The following ZSCAN5A variants were observed in gnomAD, a reference collection of about 807,000 sequenced individuals.
ZSCAN5A encodes zinc finger and SCAN domain containing 5A, also known as zinc finger and SCAN domain-containing protein 5A.
Under a neutral mutation model 23.7 loss-of-function variants are expected in ZSCAN5A, and 12 were observed. That is an observed-to-expected ratio of 0.51 (90% confidence interval 0.32 to 0.82). The LOEUF is 0.82. Among genes scored for constraint, ZSCAN5A ranks in the 40% least tolerant of loss-of-function variants. The pLI, the probability that ZSCAN5A is intolerant of heterozygous loss-of-function variation, is 0.03. For synonymous variants in ZSCAN5A, 257 were observed against 239.9 expected (o/e 1.07, Z -0.66); for missense variants, 597 against 617.9 (o/e 0.97, Z 0.36).
At chr19:56,271,997 T>A (rs2037883126) in intron 2 of ZSCAN5A, among the ~76,000 whole-genome samples, 1 of 152,184 alleles carries the variant, frequency 6.6e-6, no homozygotes, top group Non-Finnish European at 1.5e-5. Context: ...CAGTACAAAT[T>A]TACTATCATA....
intron 2 of ZSCAN5A, among the ~76,000 whole-genome samples, chr19:56,227,478 G>A (rs2034061049): frequency 6.6e-6 from 1 of 152,108 alleles, no homozygotes; most frequent in Non-Finnish European, 1.5e-5. Flanking sequence ...TAACAGCCTG[G>A]GCAACATAGT....
chr19:56,313,180 T>C (rs1014854166), intron 2 of ZSCAN5A, 103 bp downstream of exon 2: 5 of 243,846 alleles, frequency 2.1e-5, no homozygotes, highest in African/African-American at 7.0e-5. Context: ...ACCCAGTAAG[T>C]TGATGACAGA....
chr19:56,314,965 CCTG>C (rs2041272742), upstream of ZSCAN5A: 1 of 152,406 alleles, frequency 6.6e-6, no homozygotes, highest in South Asian at 2.1e-4. Flanking sequence ...CTCCTTCACT[CCTG>C]CTTCCCCCAC....
chr19:56,228,381 G>A (rs1439612344), intron 2 of ZSCAN5A: 2 of 985,178 alleles, frequency 2.0e-6, no homozygotes, highest in Admixed American at 6.2e-5. Context: ...GCGCCGCCCC[G>A]TGATTGGTTT....
chr19:56,233,364 A>G (rs1424494483), intron 2 of ZSCAN5A, among the ~76,000 whole-genome samples: 1 of 152,084 alleles, frequency 6.6e-6, no homozygotes, highest in Non-Finnish European at 1.5e-5. Context: ...TGTCTTTGAA[A>G]TGGTCCCCGC....
chr19:56,245,614 C>T (rs1213747651), intron 2 of ZSCAN5A, among the ~76,000 whole-genome samples: 1 of 152,208 alleles, frequency 6.6e-6, no homozygotes, highest in Non-Finnish European at 1.5e-5. Context: ...TTTCTCTCCA[C>T]CATGAGAGCT....
intron 2 of ZSCAN5A, among the ~76,000 whole-genome samples, chr19:56,344,557 G>A (rs1291959881): frequency 6.6e-6 from 1 of 151,966 alleles, no homozygotes; most frequent in Non-Finnish European, 1.5e-5. Context: ...CGGATCACCA[G>A]GTCAGGAGAT....
intron 1 of ZSCAN5A, among the ~76,000 whole-genome samples, chr19:56,366,422 C>CAAAA (rs34420866): frequency 3.6e-4 from 30 of 83,090 alleles, no homozygotes; most frequent in African/African-American, 9.1e-4. Flanking sequence ...GACTCTGTCT[C>CAAAA]AAAAAAAAAA....
intron 2 of ZSCAN5A, among the ~76,000 whole-genome samples, chr19:56,327,872 G>A (rs79149110): frequency 0.031 from 4,678 of 151,936 alleles, 224 homozygotes; most frequent in African/African-American, 0.1. Flanking sequence ...GTATCCATAC[G>A]TGTATATATT....
chr19:56,286,973 C>T (rs972401816), intron 2 of ZSCAN5A, among the ~76,000 whole-genome samples: 6 of 152,252 alleles, frequency 3.9e-5, no homozygotes, highest in Non-Finnish European at 7.3e-5. Context: ...ATTCACAGCA[C>T]GCACTGCACA....
At chr19:56,231,619 C>G (rs1287975091) in intron 2 of ZSCAN5A, among the ~76,000 whole-genome samples, 2 of 152,204 alleles carry the variant, frequency 1.3e-5, no homozygotes, top group African/African-American at 2.4e-5. Flanking sequence ...CTGCATTTCC[C>G]TCACATGACA....
At chr19:56,254,102 G>T (rs1263699324) in intron 2 of ZSCAN5A, among the ~76,000 whole-genome samples, 3 of 149,762 alleles carry the variant, frequency 2.0e-5, no homozygotes, top group Non-Finnish European at 4.4e-5. Flanking sequence ...CTGTTAGTGT[G>T]AGGCTAAATT....
At chr19:56,332,543 G>T (rs572734332) in intron 2 of ZSCAN5A, among the ~76,000 whole-genome samples, 3 of 152,238 alleles carry the variant, frequency 2.0e-5, no homozygotes, top group South Asian at 2.1e-4. Context: ...AGCCGTATGG[G>T]TGTTGTCACA....
chr19:56,244,569 G>A (rs2035708616), intron 2 of ZSCAN5A: 6 of 1,008,272 alleles, frequency 6.0e-6, no homozygotes, highest in Non-Finnish European at 8.6e-6. Context: ...GGGACACATG[G>A]CAGTGTCTGG....
chr19:56,363,133 T>A (rs1354079277), intron 2 of ZSCAN5A: 1 of 152,202 alleles, frequency 6.6e-6, no homozygotes, highest in Non-Finnish European at 1.5e-5. Context: ...CCTGCCCATA[T>A]TTCTCTAGTT....
At chr19:56,321,881 C>T (rs950642876) in intron 2 of ZSCAN5A, 9 of 801,778 alleles carry the variant, frequency 1.1e-5, no homozygotes, top group South Asian at 2.7e-5. Flanking sequence ...CAGGTTGGCA[C>T]GCTCATCAAG....
At chr19:56,358,162 A>G (rs1023613544) in intron 2 of ZSCAN5A, among the ~76,000 whole-genome samples, 9 of 148,746 alleles carry the variant, frequency 6.1e-5, no homozygotes, top group Admixed American at 2.0e-4. Context: ...TCTCTATCTC[A>G]CAGGCTGTAC....
At chr19:56,286,141 C>T (rs949104968) in intron 2 of ZSCAN5A, among the ~76,000 whole-genome samples, 62 of 152,254 alleles carry the variant, frequency 4.1e-4, no homozygotes, top group African/African-American at 1.5e-3. Context: ...CCTGCCTCAG[C>T]CTCCCGAGTA....
chr19:56,239,579 ACATAAGGGTAGGTTGGCTGATATCAAAC>A (rs1167893330), intron 2 of ZSCAN5A, among the ~76,000 whole-genome samples: 1 of 152,174 alleles, frequency 6.6e-6, no homozygotes, highest in East Asian at 1.9e-4. Context: ...CACTGTTTTT[ACATAAGGGTAGGTTGGCTGATATCAAAC>A]CAGTGATTTA....
Sources: gnomAD v4.1 joint callset for allele counts (sites outside exome capture counted in the v4.1 genomes callset) on GRCh38, gnomAD v4.1.1 for gene constraint, MANE v1.5 for transcripts, NCBI Gene and HGNC (gene_info 2026-07-23, HGNC 2026-07-21) for gene names.